The following ARL15 variants were observed in gnomAD, a reference collection of about 807,000 sequenced individuals.
The protein encoded by ARL15 is ADP-ribosylation factor-like protein 15.
ARL15 carries 19 observed loss-of-function variants against 25.2 expected under a neutral mutation model. That is an observed-to-expected ratio of 0.75 (90% confidence interval 0.53 to 1.10). ARL15 has a LOEUF of 1.10. Among genes scored for constraint, ARL15 ranks in the 50% least tolerant of loss-of-function variants. ARL15 has a pLI of 0.00. For synonymous variants in ARL15, 94 were observed against 86.8 expected (o/e 1.08, Z -0.46); for missense variants, 220 against 246.0 (o/e 0.89, Z 0.71).
In ARL15 at chr5:53,958,770, A is replaced by T. The variant is rs1026193563; in HGVS notation, c.463-72057T>A. Among the ~76,000 whole-genome samples, 34 of 152,188 alleles carry T rather than the reference A, an allele frequency of 2.2e-4. 1 individual carries two copies. The highest frequency in any genetic ancestry group is 8.0e-4 in the African/African-American group (33 of 41,448). On this transcript the variant is annotated intron_variant, in intron 4 of 4. Coordinates refer to ENST00000504924, the MANE Select transcript of ARL15 (RefSeq NM_019087.3). The stretch of plus-strand genomic sequence containing the variant: ...ACCAAAAAACAGTTGGTGTGACTAA[A>T]ATAATATCAGCTAAAATGGTCAAAA...
chr5:54,195,923 A>G (rs1480030132), intron 1 of ARL15, among the ~76,000 whole-genome samples: 3 of 152,148 alleles, frequency 2.0e-5, no homozygotes, highest in Non-Finnish European at 4.4e-5. Flanking sequence ...ATCTGGCTGC[A>G]GAGTTTCAGT....
intron 1 of ARL15, among the ~76,000 whole-genome samples, chr5:54,217,852 A>G (rs1174452725): frequency 6.6e-6 from 1 of 152,138 alleles, no homozygotes; most frequent in Non-Finnish European, 1.5e-5. Context: ...TCTATGTTGG[A>G]CTAAATTACG....
chr5:54,025,453 G>A (rs185252091), intron 4 of ARL15, among the ~76,000 whole-genome samples: 4 of 152,188 alleles, frequency 2.6e-5, no homozygotes, highest in Admixed American at 1.3e-4. Flanking sequence ...TAAGATGCTG[G>A]ACTGATAAAG....
At chr5:54,057,433 G>A (rs1335502785) in intron 4 of ARL15, among the ~76,000 whole-genome samples, 1 of 152,162 alleles carries the variant, frequency 6.6e-6, no homozygotes, top group Non-Finnish European at 1.5e-5. Flanking sequence ...CTGTGCCACT[G>A]TTTAAAAAGT....
intron 1 of ARL15, among the ~76,000 whole-genome samples, chr5:54,176,292 G>T (rs1388617972): frequency 6.6e-6 from 1 of 152,160 alleles, no homozygotes; most frequent in Admixed American, 6.5e-5. Context: ...TCATCCTATG[G>T]GTAACAGGAA....
chr5:54,009,230 C>A (rs115633436), intron 4 of ARL15, among the ~76,000 whole-genome samples: 7,501 of 152,200 alleles, frequency 0.049, 239 homozygotes, highest in Middle Eastern at 0.088. Context: ...AAGTTGCTTT[C>A]GACTTTTTAA....
chr5:54,023,063 C>A (rs1749664454), intron 4 of ARL15, among the ~76,000 whole-genome samples: 1 of 151,988 alleles, frequency 6.6e-6, no homozygotes, highest in South Asian at 2.1e-4. Flanking sequence ...GGTCAGTGAA[C>A]CTGCAGACTG....
intron 4 of ARL15, among the ~76,000 whole-genome samples, chr5:54,068,404 T>C (rs1035263743): frequency 1.3e-5 from 2 of 152,164 alleles, no homozygotes; most frequent in African/African-American, 4.8e-5. Flanking sequence ...AGTCAACGTA[T>C]CCAACATTTA....
At chr5:54,261,553 C>CAAA (rs529725614) in intron 1 of ARL15, among the ~76,000 whole-genome samples, 13 of 137,930 alleles carry the variant, frequency 9.4e-5, no homozygotes, top group African/African-American at 1.9e-4. Context: ...ACTAAATATG[C>CAAA]AAAAAAAAAA....
At chr5:53,956,443 C>G (rs893164549) in intron 4 of ARL15, among the ~76,000 whole-genome samples, 1 of 148,714 alleles carries the variant, frequency 6.7e-6, no homozygotes, top group Non-Finnish European at 1.5e-5. Context: ...CACAAAAGAC[C>G]ATACTTCCTC....
At chr5:54,120,904 TAG>T (rs1162195987) in intron 3 of ARL15, among the ~76,000 whole-genome samples, 1 of 152,234 alleles carries the variant, frequency 6.6e-6, no homozygotes, top group African/African-American at 2.4e-5. Context: ...TACTGCTTTC[TAG>T]CACAACTTGC....
intron 1 of ARL15, among the ~76,000 whole-genome samples, chr5:54,203,356 T>C (rs944611373): frequency 1.3e-5 from 2 of 152,152 alleles, no homozygotes; most frequent in Admixed American, 6.6e-5. Flanking sequence ...ATTAACTATA[T>C]AGCATATCGC....
intron 4 of ARL15, among the ~76,000 whole-genome samples, chr5:54,007,649 T>TA (rs1240612824): frequency 2.6e-5 from 4 of 152,000 alleles, no homozygotes; most frequent in African/African-American, 7.2e-5. Context: ...TCTACTAAAA[T>TA]AAAAAAACTT....
chr5:54,120,383 T>C (rs1203407227), intron 3 of ARL15, among the ~76,000 whole-genome samples: 1 of 152,220 alleles, frequency 6.6e-6, no homozygotes, highest in African/African-American at 2.4e-5. Context: ...CATGCAGCCA[T>C]AATACAGCAC....
intron 4 of ARL15, among the ~76,000 whole-genome samples, chr5:54,046,792 G>A (rs1750531488): frequency 6.6e-6 from 1 of 152,162 alleles, no homozygotes; most frequent in Admixed American, 6.5e-5. Flanking sequence ...CACATGGTGG[G>A]AAAATGCAGG....
intron 4 of ARL15, among the ~76,000 whole-genome samples, chr5:54,110,537 G>T (rs941636124): frequency 3.9e-5 from 6 of 151,960 alleles, no homozygotes; most frequent in African/African-American, 1.4e-4. Context: ...GATTCTGACA[G>T]ATCAGAATTT....
At chr5:54,025,287 C>CAAAAAAAAAAAA (rs756211559) in intron 4 of ARL15, among the ~76,000 whole-genome samples, 1 of 80,192 alleles carries the variant, frequency 1.2e-5, no homozygotes, top group Non-Finnish European at 2.5e-5. Flanking sequence ...ACAAAGGGAC[C>CAAAAAAAAAAAA]AAAAAAAAAA....
intron 4 of ARL15, among the ~76,000 whole-genome samples, chr5:54,049,517 T>A (rs1223807865): frequency 6.6e-6 from 1 of 152,190 alleles, no homozygotes; most frequent in East Asian, 1.9e-4. Context: ...CAATTTTTCC[T>A]AAACTTATTT....
intron 4 of ARL15, among the ~76,000 whole-genome samples, chr5:54,111,062 G>T (rs1752725405): frequency 6.6e-6 from 1 of 151,832 alleles, no homozygotes; most frequent in African/African-American, 2.4e-5. Context: ...GACTTATAAT[G>T]GAATTAGCCC....
Sources: gnomAD v4.1 joint callset for allele counts (sites outside exome capture counted in the v4.1 genomes callset) on GRCh38, gnomAD v4.1.1 for gene constraint, MANE v1.5 for transcripts, NCBI Gene and HGNC (gene_info 2026-07-23, HGNC 2026-07-21) for gene names.